The following SHTN1 variants were observed in gnomAD, a reference collection of about 807,000 sequenced individuals.
SHTN1 encodes the protein shootin-1.
SHTN1 carries 42 observed loss-of-function variants against 83.1 expected under a neutral mutation model. That is an observed-to-expected ratio of 0.51 (90% CI 0.39 to 0.65). SHTN1 has a LOEUF of 0.65. Among genes scored for constraint, SHTN1 ranks in the 30% least tolerant of loss-of-function variants. The pLI is 0.00. For missense variants in SHTN1, 622 were observed against 737.8 expected, an observed-to-expected ratio of 0.84 and a Z score of 1.82; for synonymous variants, 224 against 247.7, an observed-to-expected ratio of 0.90 and a Z score of 0.90.
At chr10:117,005,206 G>GCTCCTC (rs1030979787), upstream of SHTN1, 12 of 1,520,196 alleles carry the variant, frequency 7.9e-6, no homozygotes, top group Non-Finnish European at 1.1e-5. Flanking sequence ...ATCCGCTCCC[G>GCTCCTC]CTCCTCCTCC....
chr10:116,894,643 GGGCTTCT>G (rs1847450530), intron 16 of SHTN1, among the ~76,000 whole-genome samples: 3 of 152,146 alleles, frequency 2.0e-5, no homozygotes, highest in Non-Finnish European at 4.4e-5. Context: ...CCCTTTCGAA[GGGCTTCT>G]CCCTTTTGAA....
intron 4 of SHTN1, among the ~76,000 whole-genome samples, chr10:116,957,560 A>G (rs922135694): frequency 1.3e-5 from 2 of 151,894 alleles, no homozygotes; most frequent in African/African-American, 4.8e-5. Context: ...AGCCAAAAAT[A>G]TATCTTTTAT....
At chr10:116,921,800 A>C (rs1482284757) in intron 11 of SHTN1, among the ~76,000 whole-genome samples, 2 of 152,178 alleles carry the variant, frequency 1.3e-5, no homozygotes, top group Non-Finnish European at 2.9e-5. Context: ...TTCAATACTC[A>C]TATATATAAA....
intron 12 of SHTN1, among the ~76,000 whole-genome samples, chr10:116,917,762 T>A (rs930952396): frequency 6.6e-6 from 1 of 152,222 alleles, no homozygotes; most frequent in Non-Finnish European, 1.5e-5. Flanking sequence ...CTTGCCAGAA[T>A]CATAGTGATA....
At position 116,927,881 on chromosome 10, in the gene SHTN1, G is replaced by T; in HGVS notation, c.1023C>A (p.Leu341=). ...ARNLKHSVDE[L]QKRVNQSENS... Reference sequence around the variant, plus strand: ...TCTCAGACTGGTTCACTCGTTTCTGGAGTTCATCAACTGCACAGAGAGCAA... The same window carrying T: ...TCTCAGACTGGTTCACTCGTTTCTGTAGTTCATCAACTGCACAGAGAGCAA... Residue 341 remains leucine (L), a synonymous_variant, in exon 11 of 17, where the codon CTC becomes CTA. Transcript: ENST00000355371. The T allele has an allele frequency of 6.2e-7, 1 of 1,612,330 alleles. No individual in the cohort carries two copies. Among genetic ancestry groups the T allele is most frequent in the Non-Finnish European group, 8.5e-7 (1 of 1,179,176 alleles).
At chr10:116,911,433 A>G (rs1037801796) in intron 14 of SHTN1, 1 of 1,537,776 alleles carries the variant, frequency 6.5e-7, no homozygotes, top group African/African-American at 1.4e-5. Context: ...GCTTCAAAGT[A>G]AAGCATTATT....
chr10:116,962,084 T>G, intron 3 of SHTN1, among the ~76,000 whole-genome samples: 1 of 128,804 alleles, frequency 7.8e-6, no homozygotes, highest in Admixed American at 8.9e-5. Context: ...CTTCTATCTC[T>G]TGTTCTGAAT....
At position 116,979,416 on chromosome 10, in the gene SHTN1, G is replaced by A. The variant is rs910948418; in HGVS notation, c.59-108C>T. On this transcript the variant is annotated intron_variant, in intron 1 of 16. Coordinates refer to ENST00000355371, the MANE Select transcript of SHTN1 (RefSeq NM_001127211.3). ...AGTCTTCTTACTAGGTTGAGGTAGGGTGGAGAAGAGGCTGCAGAAAAGGGG... is the reference window on the plus strand; with the variant it reads ...AGTCTTCTTACTAGGTTGAGGTAGGATGGAGAAGAGGCTGCAGAAAAGGGG... 15 of 825,636 alleles carry A rather than the reference G, an allele frequency of 1.8e-5. No individual in the cohort carries two copies. In the African/African-American group the frequency reaches 1.9e-4, roughly 10 times the overall value. The allele number at this position is 825,636 out of a possible 1,614,324, so 51.1% of individuals were successfully genotyped here. A position where few individuals can be genotyped will look rare whatever the true frequency, so the allele number is the denominator to read the frequency against.
intron 1 of SHTN1, among the ~76,000 whole-genome samples, chr10:117,082,447 T>C (rs1296279767): frequency 6.6e-6 from 1 of 150,722 alleles, no homozygotes; most frequent in African/African-American, 2.4e-5. Context: ...AGGAGAGCTT[T>C]ACTTCCAAGT....
intron 2 of SHTN1, among the ~76,000 whole-genome samples, chr10:117,018,459 T>C (rs1197329457): frequency 2.7e-5 from 4 of 148,258 alleles, no homozygotes; most frequent in Non-Finnish European, 5.9e-5. Flanking sequence ...AAACTAGAAG[T>C]AGAAGGGAAT....
chr10:117,117,557 G>T (rs1853865979), intron 1 of SHTN1, among the ~76,000 whole-genome samples: 1 of 152,040 alleles, frequency 6.6e-6, no homozygotes, highest in Non-Finnish European at 1.5e-5. Flanking sequence ...AACTTATATG[G>T]AACCACAAAA....
chr10:116,890,025 C>T (rs760436352), intron 16 of SHTN1, among the ~76,000 whole-genome samples: 2 of 152,116 alleles, frequency 1.3e-5, no homozygotes, highest in Non-Finnish European at 2.9e-5. Flanking sequence ...GTGATGGTGC[C>T]AAGAACCCAA....
intron 14 of SHTN1, chr10:116,907,985 G>C (rs1387295298): frequency 4.1e-6 from 2 of 487,536 alleles, no homozygotes; most frequent in African/African-American, 3.9e-5. Context: ...AAGAAGCCTT[G>C]TTTCTTCTTT....
intron 1 of SHTN1, among the ~76,000 whole-genome samples, chr10:117,099,298 G>A (rs561739806): frequency 6.3e-4 from 95 of 151,944 alleles, no homozygotes; most frequent in Middle Eastern, 3.4e-3. Flanking sequence ...CTTGGGTGAC[G>A]GGGTGCACTA....
At chr10:116,947,324 G>C (rs1849631960) in intron 7 of SHTN1, among the ~76,000 whole-genome samples, 1 of 152,254 alleles carries the variant, frequency 6.6e-6, no homozygotes, top group South Asian at 2.1e-4. Context: ...CCTGAGCTGA[G>C]TCATACCAAC....
intron 6 of SHTN1, among the ~76,000 whole-genome samples, chr10:116,950,945 C>T (rs867001348): frequency 2.6e-5 from 4 of 152,106 alleles, no homozygotes; most frequent in Non-Finnish European, 4.4e-5. Flanking sequence ...AGGATCAATA[C>T]GTTGGCATGC....
At chr10:117,015,884 G>A (rs917249983) in intron 2 of SHTN1, among the ~76,000 whole-genome samples, 2 of 152,086 alleles carry the variant, frequency 1.3e-5, no homozygotes, top group Admixed American at 6.6e-5. Flanking sequence ...TTGTTTTCAC[G>A]GTATTGTTCT....
intron 14 of SHTN1, among the ~76,000 whole-genome samples, chr10:116,909,970 C>T (rs1302792746): frequency 6.6e-6 from 1 of 152,116 alleles, no homozygotes; most frequent in East Asian, 1.9e-4. Flanking sequence ...TTCTTACATG[C>T]CATGATTGTG....
chr10:116,900,651 A>G (rs926624208), intron 16 of SHTN1: 13 of 1,501,700 alleles, frequency 8.7e-6, no homozygotes, highest in Admixed American at 2.2e-5. Flanking sequence ...GTTCAAATGT[A>G]GCCAGATTGT....
Sources: gnomAD v4.1 joint callset for allele counts (sites outside exome capture counted in the v4.1 genomes callset) on GRCh38, gnomAD v4.1.1 for gene constraint, MANE v1.5 for transcripts, NCBI Gene and HGNC (gene_info 2026-07-23, HGNC 2026-07-21) for gene names.